The following ABCC11 variants were observed in gnomAD, a reference collection of about 807,000 sequenced individuals.
ABCC11 encodes the protein ATP-binding cassette sub-family C member 11.
A neutral mutation model predicts 149.3 loss-of-function variants in ABCC11; 135 were observed. The ratio of observed to expected loss-of-function variants is 0.90; its 90% confidence interval spans 0.79 to 1.04. ABCC11 has a LOEUF of 1.04. ABCC11 is among the 50% of genes least tolerant of loss of function. The probability of loss-of-function intolerance (pLI) is 0.00; values close to 1 mark genes in which losing one functional copy is unlikely to be tolerated. For synonymous variants in ABCC11, 665 were observed against 671.4 expected (o/e 0.99, Z 0.15); for missense variants, 1,680 against 1,722.1 (o/e 0.98, Z 0.43).
At chr16:48,208,315 T>C in intron 12 of ABCC11, 110 bp downstream of exon 12, 1 of 1,202,712 alleles carries the variant, frequency 8.3e-7, no homozygotes, top group Admixed American at 2.0e-5. Context: ...TCCCACTTGC[T>C]CAGACCCCTG....
intron 5 of ABCC11, among the ~76,000 whole-genome samples, chr16:48,223,991 C>T (rs924818494): frequency 6.6e-6 from 1 of 152,112 alleles, no homozygotes; most frequent in African/African-American, 2.4e-5. Flanking sequence ...CCATGGGATT[C>T]CATGGGGAAA....
chr16:48,221,739 T>G (rs528016799), intron 6 of ABCC11, among the ~76,000 whole-genome samples: 87 of 110,664 alleles, frequency 7.9e-4, no homozygotes, highest in Non-Finnish European at 1.3e-3. Context: ...CTATTTGGGG[T>G]GTGTGTGTGT....
At chr16:48,172,635 A>G (rs1169065203) in intron 26 of ABCC11, among the ~76,000 whole-genome samples, 3 of 152,148 alleles carry the variant, frequency 2.0e-5, no homozygotes, top group Non-Finnish European at 1.5e-5. Context: ...ATTGTTTTCC[A>G]TGGTCTCTGC....
intron 3 of ABCC11, 120 bp downstream of exon 3, chr16:48,230,317 A>G: frequency 8.0e-7 from 1 of 1,252,766 alleles, no homozygotes. Context: ...GGCTGCTCTG[A>G]AGGGATTTGG....
intron 1 of ABCC11, among the ~76,000 whole-genome samples, chr16:48,241,040 T>G (rs1362886118): frequency 6.6e-6 from 1 of 152,104 alleles, no homozygotes; most frequent in Non-Finnish European, 1.5e-5. Flanking sequence ...GTTTAAGCAA[T>G]TATCCTGCCT....
intron 2 of ABCC11, 118 bp downstream of exon 2, chr16:48,231,705 G>A (rs2150921537): frequency 4.6e-5 from 58 of 1,256,002 alleles, no homozygotes; most frequent in South Asian, 1.2e-4. Context: ...AAAGAGAAAA[G>A]AAAAAAAATT....
chr16:48,230,022 C>T (rs972032734), intron 3 of ABCC11, among the ~76,000 whole-genome samples: 1 of 152,220 alleles, frequency 6.6e-6, no homozygotes, highest in African/African-American at 2.4e-5. Context: ...TTAAGCCACT[C>T]AGAACCTACC....
intron 14 of ABCC11, 125 bp from the exon 15 acceptor site, chr16:48,200,604 G>T: frequency 1.0e-6 from 1 of 956,138 alleles, no homozygotes; most frequent in South Asian, 1.8e-5. Context: ...CACACTCCAG[G>T]ATACCTGATA....
intron 12 of ABCC11, among the ~76,000 whole-genome samples, chr16:48,206,141 G>A (rs1567520161): frequency 6.6e-6 from 1 of 152,130 alleles, no homozygotes; most frequent in Non-Finnish European, 1.5e-5. Context: ...GGCAGCCAGT[G>A]CCTCCATGGT....
chr16:48,230,882 G>A (rs1970380386), intron 2 of ABCC11, among the ~76,000 whole-genome samples: 2 of 152,116 alleles, frequency 1.3e-5, no homozygotes, highest in African/African-American at 4.8e-5. Flanking sequence ...GAGGGACCAA[G>A]TCACTCTTTG....
chr16:48,222,862 G>A (rs1213902330), intron 5 of ABCC11, 31 bp from the exon 6 acceptor site: 1 of 1,554,826 alleles, frequency 6.4e-7, no homozygotes, highest in Non-Finnish European at 8.8e-7. Context: ...GGATCATTCA[G>A]ACCACCCTGC....
intron 20 of ABCC11, among the ~76,000 whole-genome samples, chr16:48,190,306 T>A (rs1330911233): frequency 1.3e-5 from 2 of 151,944 alleles, no homozygotes; most frequent in Non-Finnish European, 2.9e-5. Context: ...TAACACTTAG[T>A]AAGTGAGAGA....
At chr16:48,218,304 A>G (rs1969488095) in intron 6 of ABCC11, among the ~76,000 whole-genome samples, 1 of 152,152 alleles carries the variant, frequency 6.6e-6, no homozygotes, top group African/African-American at 2.4e-5. Context: ...TCAGACAACA[A>G]CAAAGTCACC....
chr16:48,178,281 A>G (rs1348687779), intron 24 of ABCC11, among the ~76,000 whole-genome samples: 1 of 152,214 alleles, frequency 6.6e-6, no homozygotes, highest in Admixed American at 6.5e-5. Flanking sequence ...ACATAAATGG[A>G]AGCAATAATA....
At chr16:48,221,158 G>T (rs1969709409) in intron 6 of ABCC11, among the ~76,000 whole-genome samples, 1 of 152,144 alleles carries the variant, frequency 6.6e-6, no homozygotes, top group Non-Finnish European at 1.5e-5. Context: ...AGTCAAGCTA[G>T]GGCTAGAGGA....
chr16:48,192,765 C>G (rs1382256930), intron 19 of ABCC11, 48 bp from the exon 20 acceptor site: 3 of 1,587,978 alleles, frequency 1.9e-6, no homozygotes, highest in Non-Finnish European at 2.6e-6. Flanking sequence ...GGGGGAAATT[C>G]AGTGGCAGGG....
intron 18 of ABCC11, among the ~76,000 whole-genome samples, chr16:48,194,701 G>T (rs908242706): frequency 6.6e-6 from 1 of 152,124 alleles, no homozygotes; most frequent in Non-Finnish European, 1.5e-5. Flanking sequence ...ACCATGTAAG[G>T]ATACAACATT....
At chr16:48,197,444 G>A (rs1325013359) in intron 17 of ABCC11, among the ~76,000 whole-genome samples, 2 of 152,192 alleles carry the variant, frequency 1.3e-5, no homozygotes, top group Non-Finnish European at 2.9e-5. Context: ...GGTTAAGTTA[G>A]ATGGCTAAGG....
At chr16:48,197,924 C>A (rs752468028) in intron 17 of ABCC11, 47 bp downstream of exon 17, 1 of 1,599,198 alleles carries the variant, frequency 6.3e-7, no homozygotes. Context: ...CTCTGGAGGA[C>A]CCAGGCAGGC....
Sources: gnomAD v4.1 joint callset for allele counts (sites outside exome capture counted in the v4.1 genomes callset) on GRCh38, gnomAD v4.1.1 for gene constraint, MANE v1.5 for transcripts, NCBI Gene and HGNC (gene_info 2026-07-23, HGNC 2026-07-21) for gene names.